LMO7: variants seen among roughly 807,000 people sequenced by gnomAD.
The protein encoded by LMO7 is LIM domain only protein 7.
Under a neutral mutation model 206.5 loss-of-function variants are expected in LMO7, and 120 were observed. The ratio of observed to expected loss-of-function variants is 0.58; its 90% CI spans 0.50 to 0.68. The LOEUF (loss-of-function observed/expected upper bound fraction) is 0.68, where lower values mean the gene tolerates loss of function less well. LMO7 is among the 30% of genes least tolerant of loss of function. LMO7 has a pLI of 0.00. For missense variants in LMO7, 1,959 were observed against 1,957.9 expected (o/e 1.00, Z -0.01); for synonymous variants, 706 against 681.5 (o/e 1.04, Z -0.56).
At chr13:75,728,291 T>G (rs531074166) in intron 3 of LMO7, among the ~76,000 whole-genome samples, 1 of 152,300 alleles carries the variant, frequency 6.6e-6, no homozygotes, top group African/African-American at 2.4e-5. Flanking sequence ...ACCTGTTGTT[T>G]CCTGACTTTT....
At chr13:75,802,199 A>G (rs1431012029) in intron 7 of LMO7, among the ~76,000 whole-genome samples, 1 of 152,226 alleles carries the variant, frequency 6.6e-6, no homozygotes, top group African/African-American at 2.4e-5. Context: ...AAAAAACCTG[A>G]AGGCTTTATC....
intron 12 of LMO7, chr13:75,819,147 G>A (rs542195442): frequency 1.5e-5 from 5 of 342,538 alleles, no homozygotes; most frequent in Non-Finnish European, 2.1e-5. Context: ...AGTGTGCAAT[G>A]AGGCAGATAC....
In LMO7 at chr13:75,711,589, G is replaced by T. The variant is rs1214311753; in HGVS notation, c.70-1593G>T. On this transcript the variant is annotated intron_variant, in intron 1 of 30. Coordinates refer to ENST00000377534, the MANE Select transcript of LMO7 (RefSeq NM_001306080.2). ...CCTGGGCGAGACGATGCCTCGCCCT[G>T]CTTCGGCTCACGCTCGGTGCGCTGC... 2.0e-5 allele frequency among the ~76,000 whole-genome samples: 3 copies of T among 152,220 alleles called. 1 individual carries two copies. The highest frequency in any genetic ancestry group is 7.2e-5 in the African/African-American group (3 of 41,454).
intron 4 of LMO7, among the ~76,000 whole-genome samples, chr13:75,784,629 T>C (rs745326971): frequency 2.0e-5 from 3 of 152,184 alleles, no homozygotes; most frequent in East Asian, 1.9e-4. Flanking sequence ...TGATAACTTA[T>C]AAACAACAAT....
chr13:75,745,770 T>A (rs2046785190), intron 3 of LMO7, among the ~76,000 whole-genome samples: 1 of 152,234 alleles, frequency 6.6e-6, no homozygotes, highest in Admixed American at 6.5e-5. Flanking sequence ...GCCTGACTGC[T>A]GGAGTTTGAA....
rs759842247 is a variant in LMO7, at chr13:75,841,809, C to G, written c.3857C>G (p.Pro1286Arg). 9 of 1,613,924 alleles carry G rather than the reference C, an allele frequency of 5.6e-6. No individual in the cohort carries two copies. The Admixed American group carries it at 1.2e-4, about 21-fold the overall frequency. The stretch of plus-strand genomic sequence containing the variant: ...GTTCATGAGGACCAAGGAAAGAAGC[C>G]GCAGGATCAGCTTGTTATTGAGAGA... ...EVVHEDQGKK[P>R]QDQLVIERER... Residue 1286 changes from proline to arginine, a missense_variant, in exon 24 of 31, where the codon CCG becomes CGG. Coordinates refer to ENST00000377534, the MANE Select transcript of LMO7 (RefSeq NM_001306080.2).
At chr13:75,718,465 GT>G (rs1422233757) in intron 2 of LMO7, among the ~76,000 whole-genome samples, 1 of 152,152 alleles carries the variant, frequency 6.6e-6, no homozygotes, top group African/African-American at 2.4e-5. Context: ...GCTTTCTGTT[GT>G]TTTTGTTTTG....
At chr13:75,623,881 A>G (rs200187305) in intron 2 of LMO7, among the ~76,000 whole-genome samples, 6 of 152,144 alleles carry the variant, frequency 3.9e-5, no homozygotes, top group East Asian at 1.9e-4. Flanking sequence ...AGCCTGTTCT[A>G]CTAGTGGGAG....
At chr13:75,774,910 A>G (rs376858710) in intron 4 of LMO7, among the ~76,000 whole-genome samples, 38 of 152,252 alleles carry the variant, frequency 2.5e-4, no homozygotes, top group African/African-American at 7.5e-4. Context: ...TCTGCTTAAG[A>G]AATCTTTGCC....
At chr13:75,760,543 AT>A (rs1409120090) in intron 3 of LMO7, 35 of 1,289,680 alleles carry the variant, frequency 2.7e-5, no homozygotes, top group Non-Finnish European at 3.1e-5. Context: ...AGCTGGAGTT[AT>A]TTTTAAAGAG....
chr13:75,792,597 T>C (rs960203178), intron 4 of LMO7, among the ~76,000 whole-genome samples: 2 of 152,214 alleles, frequency 1.3e-5, no homozygotes, highest in Non-Finnish European at 2.9e-5. Context: ...GAGCTTCCCC[T>C]TCACCATTGC....
At chr13:75,675,232 C>T (rs1342712871) in intron 1 of LMO7, among the ~76,000 whole-genome samples, 1 of 151,952 alleles carries the variant, frequency 6.6e-6, no homozygotes, top group South Asian at 2.1e-4. Flanking sequence ...TGCCACCATG[C>T]CTGTCTAATT....
At chr13:75,629,878 T>C (rs2034688388) in intron 2 of LMO7, among the ~76,000 whole-genome samples, 1 of 152,130 alleles carries the variant, frequency 6.6e-6, no homozygotes. Context: ...ATTTTAGGCA[T>C]GGTACCATTT....
intron 1 of LMO7, among the ~76,000 whole-genome samples, chr13:75,668,585 T>C (rs1657019443): frequency 6.6e-6 from 1 of 152,166 alleles, no homozygotes; most frequent in Non-Finnish European, 1.5e-5. Flanking sequence ...GCTCATTTAG[T>C]GCAGTTCCTT....
At chr13:75,634,612 G>A (rs900077852), upstream of LMO7, among the ~76,000 whole-genome samples, 2 of 152,102 alleles carry the variant, frequency 1.3e-5, no homozygotes, top group African/African-American at 2.4e-5. Context: ...GCGTGGTGAC[G>A]GGCGCCTGTA....
chr13:75,713,272 A>G lies in LMO7; in HGVS notation c.140+20A>G, dbSNP rs375172263. 2.5e-6 allele frequency: 4 copies of G among 1,570,528 alleles called. No homozygotes were observed. Among genetic ancestry groups the G allele is most frequent in the Non-Finnish European group, 3.5e-6 (4 of 1,149,610 alleles). ...GTGTGAGTAAGTATTTAAAGTATTT[A>G]AAAAATAATTCAAAAGCAAAGATAT... On this transcript the variant is annotated intron_variant, in intron 2 of 30. Coordinates refer to ENST00000377534, the MANE Select transcript of LMO7 (RefSeq NM_001306080.2).
intron 4 of LMO7, among the ~76,000 whole-genome samples, chr13:75,794,990 T>G (rs976477763): frequency 6.6e-6 from 1 of 152,150 alleles, no homozygotes; most frequent in Non-Finnish European, 1.5e-5. Context: ...TTTCATTGTG[T>G]TTTTAAGGTT....
intron 1 of LMO7, among the ~76,000 whole-genome samples, chr13:75,656,235 C>A (rs1485983499): frequency 6.6e-6 from 1 of 152,170 alleles, no homozygotes; most frequent in African/African-American, 2.4e-5. Context: ...CTCTTGCCCA[C>A]TCTCTGGGGG....
At chr13:75,695,927 C>CTAGA (rs71819019) in intron 1 of LMO7, among the ~76,000 whole-genome samples, 11,438 of 152,146 alleles carry the variant, frequency 0.075, 919 homozygotes, top group African/African-American at 0.2. Context: ...TTTTATGTAC[C>CTAGA]TAGATCTAGC....
Sources: allele counts gnomAD v4.1 joint callset (sites outside exome capture counted in the v4.1 genomes callset), GRCh38; gene constraint gnomAD v4.1.1; transcripts MANE v1.5; gene names NCBI Gene and HGNC (gene_info 2026-07-23, HGNC 2026-07-21).